The following RABGAP1L variants were observed in gnomAD, a reference collection of about 807,000 sequenced individuals.
RABGAP1L encodes rab GTPase-activating protein 1-like.
A neutral mutation model predicts 137.7 loss-of-function variants in RABGAP1L; 63 were observed. The ratio of observed to expected loss-of-function variants is 0.46; its 90% CI spans 0.37 to 0.56. RABGAP1L has a LOEUF of 0.56. Ranked by LOEUF, RABGAP1L falls within the 20% of genes least tolerant of loss-of-function variation. RABGAP1L has a pLI of 0.00. For synonymous variants in RABGAP1L, 431 were observed against 433.7 expected, an observed-to-expected ratio of 0.99 and a Z score of 0.08; for missense variants, 1,095 against 1,244.0, an observed-to-expected ratio of 0.88 and a Z score of 1.80.
chr1:174,457,932 A>G (rs11587197), intron 13 of RABGAP1L, among the ~76,000 whole-genome samples: 49 of 152,194 alleles, frequency 3.2e-4, no homozygotes, highest in Non-Finnish European at 6.2e-4. Context: ...CAAGTTAATC[A>G]TATGATGTAG....
intron 1 of RABGAP1L, among the ~76,000 whole-genome samples, chr1:174,216,481 A>T (rs1669327548): frequency 6.6e-6 from 1 of 152,070 alleles, no homozygotes; most frequent in Non-Finnish European, 1.5e-5. Flanking sequence ...AAATAATTTT[A>T]TACTGCATGT....
chr1:174,736,778 G>A (rs1227848438), intron 17 of RABGAP1L, among the ~76,000 whole-genome samples: 2 of 152,220 alleles, frequency 1.3e-5, no homozygotes, highest in Non-Finnish European at 2.9e-5. Context: ...AACATGACAT[G>A]GAAGCTGCCA....
At chr1:174,179,729 AG>A (rs909759227) in intron 1 of RABGAP1L, among the ~76,000 whole-genome samples, 2 of 152,180 alleles carry the variant, frequency 1.3e-5, no homozygotes, top group African/African-American at 4.8e-5. Flanking sequence ...ATAATGTCTC[AG>A]TATTATTAGG....
At chr1:174,586,295 G>GAACAGAAAACCAAACACCTCGTC (rs1669108491) in intron 13 of RABGAP1L, among the ~76,000 whole-genome samples, 4 of 125,070 alleles carry the variant, frequency 3.2e-5, no homozygotes, top group African/African-American at 1.0e-4. Context: ...AACACCTCGT[G>GAACAGAAAACCAAACACCTCGTC]AACAGAAAAC....
chr1:174,718,835 T>A (rs1681235713), intron 17 of RABGAP1L, among the ~76,000 whole-genome samples: 1 of 116,090 alleles, frequency 8.6e-6, no homozygotes, highest in African/African-American at 2.7e-5. Context: ...TCTTTTCTTT[T>A]CCTTTTTTTT....
chr1:174,400,954 G>A (rs900283091), intron 13 of RABGAP1L, among the ~76,000 whole-genome samples: 1 of 152,106 alleles, frequency 6.6e-6, no homozygotes, highest in Non-Finnish European at 1.5e-5. Flanking sequence ...TTGACTGGTA[G>A]TAAATGACTC....
chr1:174,195,780 C>CT (rs1558022053), intron 1 of RABGAP1L, among the ~76,000 whole-genome samples: 10 of 112,226 alleles, frequency 8.9e-5, no homozygotes, highest in Admixed American at 4.7e-4. Flanking sequence ...TCTTTCCTTT[C>CT]TTTCTTTTCT....
At chr1:174,790,839 G>T (rs55736228) in intron 18 of RABGAP1L, among the ~76,000 whole-genome samples, 1,770 of 151,710 alleles carry the variant, frequency 0.012, 47 homozygotes, top group African/African-American at 0.041. Context: ...AGAGTGGGAG[G>T]AGGCTGTGCA....
intron 11 of RABGAP1L, among the ~76,000 whole-genome samples, chr1:174,354,719 A>G (rs1037766462): frequency 6.6e-6 from 1 of 152,100 alleles, no homozygotes; most frequent in African/African-American, 2.4e-5. Flanking sequence ...GGTGTTTTAG[A>G]CATGAAGTCC....
At chr1:174,438,396 G>A (rs1028092148) in intron 13 of RABGAP1L, among the ~76,000 whole-genome samples, 10 of 151,994 alleles carry the variant, frequency 6.6e-5, no homozygotes, top group Admixed American at 2.6e-4. Context: ...AAAAATTGAC[G>A]TTCTTAACAA....
intron 13 of RABGAP1L, among the ~76,000 whole-genome samples, chr1:174,454,695 G>A (rs554163828): frequency 1.4e-4 from 21 of 151,532 alleles, no homozygotes; most frequent in Admixed American, 1.2e-3. Context: ...GACTACAGGC[G>A]CCCACCAGCA....
intron 10 of RABGAP1L, among the ~76,000 whole-genome samples, chr1:174,279,616 AC>A (rs1461174260): frequency 1.3e-5 from 2 of 152,154 alleles, no homozygotes; most frequent in Non-Finnish European, 2.9e-5. Context: ...GGCTTTATAT[AC>A]TATGTACTTG....
intron 4 of RABGAP1L, among the ~76,000 whole-genome samples, chr1:174,233,191 T>C (rs1024767490): frequency 6.6e-5 from 10 of 152,170 alleles, no homozygotes; most frequent in African/African-American, 2.4e-4. Context: ...CCCTCCTCCC[T>C]TCTCTCTCTT....
chr1:174,660,363 A>T (rs929814179), intron 14 of RABGAP1L, among the ~76,000 whole-genome samples: 2 of 152,194 alleles, frequency 1.3e-5, no homozygotes, highest in Non-Finnish European at 2.9e-5. Context: ...CCCAAGGCAT[A>T]TTCTTTTGCA....
intron 14 of RABGAP1L, among the ~76,000 whole-genome samples, chr1:174,655,443 T>A (rs1675891633): frequency 6.6e-6 from 1 of 152,224 alleles, no homozygotes; most frequent in African/African-American, 2.4e-5. Context: ...ATTCAGGTTA[T>A]ACATCTTTGG....
chr1:174,699,579 T>C lies in RABGAP1L; in HGVS notation c.1954T>C (p.Leu652=). The part of the protein sequence containing the change: ...VLVKIMYDYG[L]RDLYRNNFED... ...GGTGAAAATCATGTACGACTATGGT[T>C]TGAGAGACCTCTACAGAAACAACTT... The change falls in exon 16 of 26, where the codon TTG becomes CTG. Residue 652 remains leucine, a synonymous_variant. Coordinates refer to ENST00000681986, the MANE Select transcript of RABGAP1L (RefSeq NM_001366446.1). 3 of 1,610,902 alleles carry C rather than the reference T, an allele frequency of 1.9e-6. No homozygotes were observed. The highest frequency in any genetic ancestry group is 2.5e-6 in the Non-Finnish European group (3 of 1,177,174).
intron 13 of RABGAP1L, among the ~76,000 whole-genome samples, chr1:174,599,840 C>T (rs959243196): frequency 4.6e-5 from 7 of 152,026 alleles, no homozygotes; most frequent in African/African-American, 1.5e-4. Flanking sequence ...GTTTTATAAC[C>T]TTCTTGTACT....
At chr1:174,241,777 A>G (rs926361868) in intron 5 of RABGAP1L, 120 bp downstream of exon 5, 13 of 901,190 alleles carry the variant, frequency 1.4e-5, no homozygotes, top group Middle Eastern at 2.6e-4. Context: ...CTAAAGACAA[A>G]ATTAATATTT....
chr1:174,415,349 C>T (rs535190339), intron 13 of RABGAP1L, among the ~76,000 whole-genome samples: 1 of 152,050 alleles, frequency 6.6e-6, no homozygotes, highest in African/African-American at 2.4e-5. Flanking sequence ...CATTTTTATT[C>T]CTAATAAGTG....
Sources: allele counts gnomAD v4.1 joint callset (sites outside exome capture counted in the v4.1 genomes callset), GRCh38; gene constraint gnomAD v4.1.1; transcripts MANE v1.5; gene names NCBI Gene and HGNC (gene_info 2026-07-23, HGNC 2026-07-21).